AK8: variants seen among roughly 807,000 people sequenced by gnomAD.
The protein encoded by AK8 is ATP-AMP transphosphorylase 8.
Under a neutral mutation model 54.6 loss-of-function variants are expected in AK8, and 44 were observed. The observed-to-expected ratio is 0.81, with a 90% CI of 0.63 to 1.04. The LOEUF is 1.04. AK8 is among the 50% of genes least tolerant of loss of function. AK8 has a pLI of 0.00. For missense variants in AK8, 555 were observed against 613.6 expected (o/e 0.90, Z 1.01); for synonymous variants, 239 against 245.6 (o/e 0.97, Z 0.25).
At chr9:132,852,066 G>A (rs192577906) in intron 5 of AK8, among the ~76,000 whole-genome samples, 39 of 152,270 alleles carry the variant, frequency 2.6e-4, no homozygotes, top group Admixed American at 2.4e-3. Context: ...AGAAAGAACC[G>A]ATGCGATAAA....
chr9:132,827,988 T>C lies in AK8; in HGVS notation c.556+25A>G, dbSNP rs201332957. 9.5e-5 allele frequency: 148 copies of C among 1,553,460 alleles called. 2 individuals carry two copies. In the Middle Eastern group the frequency reaches 1.7e-3, roughly 17 times the overall value. On this transcript the variant is annotated intron_variant, in intron 7 of 12. Coordinates refer to ENST00000298545, the MANE Select transcript of AK8 (RefSeq NM_152572.3). Reference sequence around the variant, plus strand: ...CATGGACTCTGAAACCCCATGGGGCTGGGTGGGGGTGGCCGTAGCCATACC... The same window carrying C: ...CATGGACTCTGAAACCCCATGGGGCCGGGTGGGGGTGGCCGTAGCCATACC...
intron 11 of AK8, among the ~76,000 whole-genome samples, chr9:132,764,026 G>A (rs901671801): frequency 1.3e-5 from 2 of 152,350 alleles, no homozygotes; most frequent in African/African-American, 4.8e-5. Flanking sequence ...CAGGCTAGGA[G>A]CAATGGCTCA....
intron 5 of AK8, among the ~76,000 whole-genome samples, chr9:132,835,941 T>G (rs922759819): frequency 6.6e-6 from 1 of 152,106 alleles, no homozygotes; most frequent in African/African-American, 2.4e-5. Context: ...CTGATCAACA[T>G]GGAGAAACCC....
chr9:132,807,350 C>G (rs912104712), intron 10 of AK8, among the ~76,000 whole-genome samples: 85 of 152,322 alleles, frequency 5.6e-4, no homozygotes, highest in African/African-American at 2.0e-3. Flanking sequence ...GCATGGCTGG[C>G]GGGCTCCTGA....
intron 11 of AK8, among the ~76,000 whole-genome samples, chr9:132,760,531 G>A (rs1838406597): frequency 6.6e-6 from 1 of 152,108 alleles, no homozygotes; most frequent in African/African-American, 2.4e-5. Context: ...CATAACACCT[G>A]CCAATAATGA....
At chr9:132,807,263 G>T (rs769853181) in intron 10 of AK8, among the ~76,000 whole-genome samples, 1 of 152,208 alleles carries the variant, frequency 6.6e-6, no homozygotes, top group Non-Finnish European at 1.5e-5. Flanking sequence ...AGTTGGGCAG[G>T]TGTTGCAGAG....
At chr9:132,763,086 A>G (rs1590211456) in intron 11 of AK8, among the ~76,000 whole-genome samples, 1 of 152,156 alleles carries the variant, frequency 6.6e-6, no homozygotes, top group Non-Finnish European at 1.5e-5. Flanking sequence ...GCTGTCTAGT[A>G]TCTACACAGC....
At chr9:132,733,669 G>A (rs1020324490) in intron 11 of AK8, among the ~76,000 whole-genome samples, 3 of 152,246 alleles carry the variant, frequency 2.0e-5, no homozygotes, top group Non-Finnish European at 4.4e-5. Context: ...TGAGGGCCAG[G>A]TGGCAGGGTG....
At chr9:132,731,273 G>T (rs1438392568) in intron 11 of AK8, among the ~76,000 whole-genome samples, 1 of 152,342 alleles carries the variant, frequency 6.6e-6, no homozygotes, top group Admixed American at 6.5e-5. Flanking sequence ...GTGTCAGGAG[G>T]TGGCTATGGG....
At chr9:132,788,039 A>G (rs544306934) in intron 11 of AK8, among the ~76,000 whole-genome samples, 6 of 152,178 alleles carry the variant, frequency 3.9e-5, no homozygotes, top group Non-Finnish European at 8.8e-5. Flanking sequence ...CCAAAAAAAA[A>G]ACAACAACCT....
intron 11 of AK8, among the ~76,000 whole-genome samples, chr9:132,732,634 A>G (rs1836898910): frequency 6.6e-6 from 1 of 152,128 alleles, no homozygotes; most frequent in African/African-American, 2.4e-5. Flanking sequence ...ATGAAGTGGA[A>G]GCCCGGGGTT....
At chr9:132,757,504 C>T (rs147122742) in intron 11 of AK8, among the ~76,000 whole-genome samples, 9 of 152,276 alleles carry the variant, frequency 5.9e-5, no homozygotes, top group African/African-American at 1.4e-4. Flanking sequence ...GAAAGAATAT[C>T]GAGCCTGGAA....
chr9:132,863,609 T>C lies in AK8; in HGVS notation c.333+56A>G, dbSNP rs1843474781. 4.2e-6 allele frequency: 5 copies of C among 1,201,758 alleles called. No individual in the cohort carries two copies. In the African/African-American group the frequency reaches 4.5e-5, roughly 11 times the overall value. 74.4% of individuals were successfully genotyped at this position (1,201,758 alleles called of 1,614,324 possible). ...CAAGCAATGGTCAGGTGGCAGTGGG[T>C]GTGGCAGTGGGCACTGCTGCTGTGT... On this transcript the variant is annotated intron_variant, in intron 4 of 12. Coordinates refer to ENST00000298545, the MANE Select transcript of AK8 (RefSeq NM_152572.3).
chr9:132,812,854 A>C (rs1841127788), intron 10 of AK8, among the ~76,000 whole-genome samples: 1 of 151,422 alleles, frequency 6.6e-6, no homozygotes, highest in African/African-American at 2.4e-5. Context: ...GCAGACACCC[A>C]GGACCAGACC....
In AK8 at chr9:132,826,732, C is replaced by T. The variant is rs970310074; in HGVS notation, c.757+122G>A. 3.4e-6 allele frequency: 4 copies of T among 1,167,688 alleles called. No individual in the cohort carries two copies. Among genetic ancestry groups the T allele is most frequent in the Admixed American group, 2.2e-5 (1 of 44,908 alleles). 72.3% of individuals were successfully genotyped at this position (1,167,688 alleles called of 1,614,324 possible). On this transcript the variant is annotated intron_variant, in intron 8 of 12. Transcript: ENST00000298545. This position sits in a 1 kb window ranked among gnomAD's most constrained non-coding sequence, Gnocchi z 4.5. The stretch of plus-strand genomic sequence containing the variant: ...ACCCGGGTCATCTATGTCTTGACTT[C>T]CAGGGTCCCAGGCATGTCCCAGACA...
intron 11 of AK8, among the ~76,000 whole-genome samples, chr9:132,752,922 GCT>G (rs1375278550): frequency 1.3e-5 from 2 of 152,250 alleles, no homozygotes; most frequent in East Asian, 3.9e-4. Flanking sequence ...AGGTATTTCT[GCT>G]CTGTTTATTT....
intron 9 of AK8, among the ~76,000 whole-genome samples, chr9:132,821,706 C>A (rs539644590): frequency 1.6e-4 from 20 of 124,868 alleles, no homozygotes; most frequent in African/African-American, 4.6e-4. Flanking sequence ...TATATATACA[C>A]GTACATTTGT....
chr9:132,852,769 C>CAAAAAAAAAAAAAAAAAA (rs35786801), intron 5 of AK8, among the ~76,000 whole-genome samples: 3 of 16,424 alleles, frequency 1.8e-4, no homozygotes, highest in Non-Finnish European at 3.8e-4. Context: ...GATTAGGTCT[C>CAAAAAAAAAAAAAAAAAA]AAAAAAAAAA....
chr9:132,779,200 G>T (rs756331310), intron 11 of AK8, among the ~76,000 whole-genome samples: 1 of 152,220 alleles, frequency 6.6e-6, no homozygotes, highest in Non-Finnish European at 1.5e-5. Context: ...TAGCCTCTTT[G>T]TATTGAGCAG....
Sources: gnomAD v4.1 joint callset for allele counts (sites outside exome capture counted in the v4.1 genomes callset) on GRCh38, gnomAD v4.1.1 for gene constraint, Gnocchi (gnomAD v3.1) non-coding constraint, MANE v1.5 for transcripts, NCBI Gene and HGNC (gene_info 2026-07-23, HGNC 2026-07-21) for gene names.